TMEFF2: variants seen among roughly 807,000 people sequenced by gnomAD.
The protein encoded by TMEFF2 is tomoregulin-2.
A neutral mutation model predicts 53.8 loss-of-function variants in TMEFF2; 28 were observed. The ratio of observed to expected loss-of-function variants is 0.52; its 90% confidence interval spans 0.39 to 0.71. TMEFF2 has a LOEUF of 0.71. TMEFF2 is among the 30% of genes least tolerant of loss of function. The pLI is 0.00. For synonymous variants in TMEFF2, 162 were observed against 166.3 expected, an observed-to-expected ratio of 0.97 and a Z score of 0.20; for missense variants, 353 against 455.2, an observed-to-expected ratio of 0.78 and a Z score of 2.04.
intron 7 of TMEFF2, among the ~76,000 whole-genome samples, chr2:191,961,694 T>C (rs1175655165): frequency 6.6e-6 from 1 of 152,060 alleles, no homozygotes; most frequent in African/African-American, 2.4e-5. Context: ...AAAGAAGATA[T>C]ACAGTTCTTA....
intron 4 of TMEFF2, among the ~76,000 whole-genome samples, chr2:192,168,863 G>A (rs546706403): frequency 6.6e-6 from 1 of 151,170 alleles, no homozygotes; most frequent in African/African-American, 2.4e-5. Flanking sequence ...TTTATTTGGA[G>A]ATGGGGTCTT....
chr2:192,065,820 T>A (rs1317137116), intron 4 of TMEFF2, among the ~76,000 whole-genome samples: 1 of 151,734 alleles, frequency 6.6e-6, no homozygotes. Context: ...AAAGGACATA[T>A]TTGACTTAGA....
intron 4 of TMEFF2, among the ~76,000 whole-genome samples, chr2:192,073,221 T>C (rs915473428): frequency 6.6e-6 from 1 of 151,946 alleles, no homozygotes; most frequent in African/African-American, 2.4e-5. Context: ...AATCATAGTG[T>C]GTATTTTATA....
chr2:191,952,253 A>G (rs1388611100), intron 9 of TMEFF2, among the ~76,000 whole-genome samples: 1 of 152,210 alleles, frequency 6.6e-6, no homozygotes, highest in Non-Finnish European at 1.5e-5. Context: ...AGGACCCTGT[A>G]TATTTCTGTT....
chr2:192,154,102 CAG>C (rs1574419431), intron 4 of TMEFF2, among the ~76,000 whole-genome samples: 1 of 151,836 alleles, frequency 6.6e-6, no homozygotes, highest in African/African-American at 2.4e-5. Context: ...TTTGTGCTTC[CAG>C]TGGTTCCCTT....
At chr2:192,119,340 T>C (rs2356941) in intron 4 of TMEFF2, among the ~76,000 whole-genome samples, 53,545 of 152,100 alleles carry the variant, frequency 0.35, 10,884 homozygotes, top group Non-Finnish European at 0.48. Context: ...TTGAAATTAA[T>C]TGCAAATGTT....
At chr2:192,048,515 G>GA (rs1269990929) in intron 5 of TMEFF2, among the ~76,000 whole-genome samples, 1 of 150,468 alleles carries the variant, frequency 6.6e-6, no homozygotes, top group Non-Finnish European at 1.5e-5. Flanking sequence ...TTTATATTTA[G>GA]AAAAAATGTA....
chr2:192,177,014 A>G (rs1238279485), intron 4 of TMEFF2: 1 of 151,176 alleles, frequency 6.6e-6, no homozygotes, highest in Non-Finnish European at 1.5e-5. Flanking sequence ...AAAATAAGAA[A>G]TTAGAAAATA....
intron 4 of TMEFF2, among the ~76,000 whole-genome samples, chr2:192,086,320 C>T (rs1014158571): frequency 6.6e-6 from 1 of 152,058 alleles, no homozygotes; most frequent in Non-Finnish European, 1.5e-5. Flanking sequence ...AAATAATATG[C>T]GTAAAGATAA....
At chr2:192,064,009 C>T (rs1360043987) in intron 4 of TMEFF2, among the ~76,000 whole-genome samples, 1 of 151,642 alleles carries the variant, frequency 6.6e-6, no homozygotes, top group African/African-American at 2.4e-5. Flanking sequence ...ATTTAATCAG[C>T]GTGTTTAGTC....
chr2:192,172,923 C>T (rs2106025844), intron 4 of TMEFF2, among the ~76,000 whole-genome samples: 1 of 151,938 alleles, frequency 6.6e-6, no homozygotes, highest in South Asian at 2.1e-4. Context: ...GGCTTAGTCA[C>T]CATATTTACT....
intron 5 of TMEFF2, among the ~76,000 whole-genome samples, chr2:192,025,579 G>C (rs1375350035): frequency 6.6e-6 from 1 of 152,106 alleles, no homozygotes; most frequent in Admixed American, 6.5e-5. Flanking sequence ...TTATCGTGGG[G>C]TATAAAATTC....
intron 2 of TMEFF2, among the ~76,000 whole-genome samples, chr2:192,190,030 C>T (rs1691424097): frequency 6.6e-6 from 1 of 152,046 alleles, no homozygotes; most frequent in Admixed American, 6.6e-5. Context: ...TTCCACTTAA[C>T]GATTATTTAA....
chr2:191,999,268 T>C, intron 5 of TMEFF2, 60 bp from the exon 6 acceptor site: 1 of 1,379,414 alleles, frequency 7.2e-7, no homozygotes, highest in Non-Finnish European at 9.7e-7. Context: ...ACATTATAAA[T>C]AAAACACAAA....
At chr2:192,131,625 A>G (rs954875824) in intron 4 of TMEFF2, among the ~76,000 whole-genome samples, 4 of 151,634 alleles carry the variant, frequency 2.6e-5, no homozygotes, top group African/African-American at 4.9e-5. Context: ...GCTTTTCTGG[A>G]GGGCAAGAAA....
chr2:192,166,638 T>C (rs941322134), intron 4 of TMEFF2, among the ~76,000 whole-genome samples: 2 of 152,128 alleles, frequency 1.3e-5, no homozygotes, highest in African/African-American at 4.8e-5. Flanking sequence ...ACTCAAGCAG[T>C]TACAATACTA....
intron 5 of TMEFF2, among the ~76,000 whole-genome samples, chr2:192,045,576 C>T (rs138187696): frequency 9.8e-5 from 15 of 152,308 alleles, no homozygotes; most frequent in African/African-American, 3.1e-4. Flanking sequence ...TCCAGCCAAC[C>T]CTGTTCATTG....
intron 4 of TMEFF2, among the ~76,000 whole-genome samples, chr2:192,172,226 C>A (rs1559156561): frequency 6.6e-6 from 1 of 151,470 alleles, no homozygotes; most frequent in Admixed American, 6.6e-5. Context: ...TTAACTGCAC[C>A]AATTCAAATT....
chr2:192,063,141 G>A (rs538021375), intron 4 of TMEFF2, among the ~76,000 whole-genome samples: 1 of 151,808 alleles, frequency 6.6e-6, no homozygotes, highest in South Asian at 2.1e-4. Context: ...AAGTAGAAAT[G>A]CTTGACTTTA....
Sources: gnomAD v4.1 joint callset for allele counts (sites outside exome capture counted in the v4.1 genomes callset) on GRCh38, gnomAD v4.1.1 for gene constraint, MANE v1.5 for transcripts, NCBI Gene and HGNC (gene_info 2026-07-23, HGNC 2026-07-21) for gene names.